Variants in HCN1 observed in about 807,000 individuals in gnomAD.
HCN1 encodes potassium/sodium hyperpolarization-activated cyclic nucleotide-gated channel 1.
Under a neutral mutation model 78.9 loss-of-function variants are expected in HCN1, and 13 were observed. That is an observed-to-expected ratio of 0.16 (90% confidence interval 0.11 to 0.26). The LOEUF (loss-of-function observed/expected upper bound fraction) is 0.26. Among genes scored for constraint, HCN1 ranks in the 10% least tolerant of loss-of-function variants. HCN1 has a pLI of 1.00. For synonymous variants in HCN1, 552 were observed against 455.5 expected, an observed-to-expected ratio of 1.21 and a Z score of -2.70; for missense variants, 810 against 1,154.3, an observed-to-expected ratio of 0.70 and a Z score of 4.32.
chr5:45,330,561 A>T (rs1368454961), intron 5 of HCN1, among the ~76,000 whole-genome samples: 1 of 150,812 alleles, frequency 6.6e-6, no homozygotes, highest in East Asian at 2.0e-4. Flanking sequence ...CATTCCTAGA[A>T]AAAATTAAAA....
intron 2 of HCN1, among the ~76,000 whole-genome samples, chr5:45,599,508 T>C (rs1465926305): frequency 1.3e-5 from 2 of 152,064 alleles, no homozygotes; most frequent in Non-Finnish European, 2.9e-5. Flanking sequence ...CTGCACATTG[T>C]GCACATGTAC....
At chr5:45,332,818 T>A (rs1178023018) in intron 5 of HCN1, among the ~76,000 whole-genome samples, 2 of 151,646 alleles carry the variant, frequency 1.3e-5, no homozygotes, top group Admixed American at 6.6e-5. Flanking sequence ...AATAACAGGA[T>A]CTCATTTTTT....
At chr5:45,587,984 A>C (rs1744270464) in intron 2 of HCN1, among the ~76,000 whole-genome samples, 1 of 152,136 alleles carries the variant, frequency 6.6e-6, no homozygotes, top group South Asian at 2.1e-4. Flanking sequence ...TACAACCCAG[A>C]AAAGGGCCCT....
intron 6 of HCN1, among the ~76,000 whole-genome samples, chr5:45,290,826 A>G (rs182831653): frequency 6.6e-6 from 1 of 152,130 alleles, no homozygotes; most frequent in Admixed American, 6.6e-5. Context: ...GCTGCAAATA[A>G]TCATGAAGAA....
At chr5:45,500,839 C>G (rs1445458914) in intron 2 of HCN1, among the ~76,000 whole-genome samples, 1 of 152,100 alleles carries the variant, frequency 6.6e-6, no homozygotes, top group Non-Finnish European at 1.5e-5. Flanking sequence ...GAGGCTAACT[C>G]ACATTTTTGC....
At chr5:45,324,390 C>A (rs1013753017) in intron 5 of HCN1, among the ~76,000 whole-genome samples, 2 of 151,820 alleles carry the variant, frequency 1.3e-5, no homozygotes, top group Non-Finnish European at 2.9e-5. Flanking sequence ...AGCCAAAAAA[C>A]ACATGAAAAA....
intron 5 of HCN1, among the ~76,000 whole-genome samples, chr5:45,315,154 A>T (rs1003839541): frequency 1.3e-5 from 2 of 152,230 alleles, no homozygotes; most frequent in Admixed American, 1.3e-4. Context: ...AATTGACAAC[A>T]TAGTTGGAAG....
intron 3 of HCN1, among the ~76,000 whole-genome samples, chr5:45,410,156 T>C (rs1561144139): frequency 6.6e-6 from 1 of 151,982 alleles, no homozygotes; most frequent in Non-Finnish European, 1.5e-5. Context: ...ACATGGTGAT[T>C]ATCACAAGAG....
chr5:45,352,343 G>A (rs1746924430), intron 5 of HCN1, among the ~76,000 whole-genome samples: 1 of 151,650 alleles, frequency 6.6e-6, no homozygotes, highest in East Asian at 2.0e-4. Flanking sequence ...CATGGACACA[G>A]GAAGGGGAAC....
chr5:45,581,427 G>A (rs1369922266), intron 2 of HCN1, among the ~76,000 whole-genome samples: 1 of 152,056 alleles, frequency 6.6e-6, no homozygotes, highest in African/African-American at 2.4e-5. Context: ...TTAGCCCTTT[G>A]TCAGATGAGT....
chr5:45,275,518 C>T (rs1745039189), intron 6 of HCN1, among the ~76,000 whole-genome samples: 1 of 152,106 alleles, frequency 6.6e-6, no homozygotes, highest in African/African-American at 2.4e-5. Flanking sequence ...CTTTCTACTC[C>T]TTAACTTCTC....
At chr5:45,593,285 G>T (rs1236970461) in intron 2 of HCN1, among the ~76,000 whole-genome samples, 2 of 136,014 alleles carry the variant, frequency 1.5e-5, no homozygotes, top group Non-Finnish European at 1.6e-5. Flanking sequence ...CAAAGGTAGA[G>T]GTATATTCTC....
chr5:45,582,335 G>T (rs969141655), intron 2 of HCN1, among the ~76,000 whole-genome samples: 1 of 152,094 alleles, frequency 6.6e-6, no homozygotes, highest in African/African-American at 2.4e-5. Flanking sequence ...TGTTGTTGGT[G>T]TATAAGAATG....
At chr5:45,683,648 C>T (rs987521986) in intron 1 of HCN1, among the ~76,000 whole-genome samples, 19 of 150,346 alleles carry the variant, frequency 1.3e-4, no homozygotes, top group African/African-American at 2.2e-4. Context: ...TATATATATA[C>T]ACACACACAC....
intron 2 of HCN1, among the ~76,000 whole-genome samples, chr5:45,577,897 T>C (rs956663737): frequency 6.6e-6 from 1 of 152,062 alleles, no homozygotes; most frequent in Admixed American, 6.6e-5. Context: ...TTAGTAATTT[T>C]CAAAATCGCA....
At chr5:45,578,942 G>A (rs1354418420) in intron 2 of HCN1, among the ~76,000 whole-genome samples, 2 of 151,916 alleles carry the variant, frequency 1.3e-5, no homozygotes, top group East Asian at 1.9e-4. Flanking sequence ...CACTCACCTG[G>A]ATGGGATTAA....
intron 2 of HCN1, among the ~76,000 whole-genome samples, chr5:45,568,779 A>G (rs1051501795): frequency 6.6e-6 from 1 of 152,064 alleles, no homozygotes; most frequent in African/African-American, 2.4e-5. Flanking sequence ...AAGTAGCTTT[A>G]TTTTAAAATT....
intron 2 of HCN1, among the ~76,000 whole-genome samples, chr5:45,633,303 A>C (rs1400519082): frequency 6.7e-6 from 1 of 150,318 alleles, no homozygotes; most frequent in African/African-American, 2.4e-5. Context: ...TATTATTTTA[A>C]ATATTTTTTT....
At chr5:45,308,332 G>T (rs1290031248) in intron 5 of HCN1, among the ~76,000 whole-genome samples, 1 of 151,978 alleles carries the variant, frequency 6.6e-6, no homozygotes, top group Non-Finnish European at 1.5e-5. Context: ...TTATAGCAAT[G>T]AAAAATGAAT....
Sources: gnomAD v4.1 joint callset for allele counts (sites outside exome capture counted in the v4.1 genomes callset) on GRCh38, gnomAD v4.1.1 for gene constraint, MANE v1.5 for transcripts, NCBI Gene and HGNC (gene_info 2026-07-23, HGNC 2026-07-21) for gene names.